Variants in CEP128 observed in about 807,000 individuals in gnomAD.
CEP128 encodes centrosomal protein 128.
In CEP128, 132 loss-of-function variants were observed where a neutral mutation model predicts 156.7. That is an observed-to-expected ratio of 0.84 (90% CI 0.73 to 0.97). The LOEUF (loss-of-function observed/expected upper bound fraction) is 0.97, where lower values mean the gene tolerates loss of function less well. Among genes scored for constraint, CEP128 ranks in the 50% least tolerant of loss-of-function variants. The pLI is 0.00. For missense variants in CEP128, 1,252 were observed against 1,281.9 expected (o/e 0.98, Z 0.36); for synonymous variants, 469 against 448.9 (o/e 1.04, Z -0.57).
chr14:80,821,557 AT>A (rs1479939818), intron 13 of CEP128, among the ~76,000 whole-genome samples: 2 of 151,640 alleles, frequency 1.3e-5, no homozygotes, highest in African/African-American at 4.8e-5. Context: ...AATACTTCAT[AT>A]TTTCTGAGGA....
Position 80,848,740 on chromosome 14 carries a change from G to C in CEP128, c.763-7972C>G, listed in dbSNP as rs1356290647. On this transcript the variant is annotated intron_variant, in intron 9 of 24. Transcript: ENST00000555265. ...TGAGAGGAATTCAGAAACCAGATCA[G>C]AGGGGATCTATTGTCTATAAATAAA... is the stretch of plus-strand genomic sequence containing the variant. Among the ~76,000 whole-genome samples, 4 of 151,844 alleles carry C rather than the reference G, an allele frequency of 2.6e-5. No individual in the cohort carries two copies. In the East Asian group the frequency reaches 7.7e-4, roughly 29 times the overall value.
chr14:80,831,964 G>A (rs1044021592), intron 12 of CEP128, among the ~76,000 whole-genome samples: 10 of 152,130 alleles, frequency 6.6e-5, no homozygotes, highest in Admixed American at 4.6e-4. Context: ...TGTAGCTCCC[G>A]TAATTCCCAC....
chr14:80,695,905 A>C (rs552381409), intron 19 of CEP128, among the ~76,000 whole-genome samples: 17 of 152,220 alleles, frequency 1.1e-4, no homozygotes, highest in Admixed American at 3.3e-4. Flanking sequence ...TTATGGAAAT[A>C]TTTTAAGCAG....
intron 7 of CEP128, among the ~76,000 whole-genome samples, chr14:80,897,386 T>C (rs1889392895): frequency 6.6e-6 from 1 of 152,222 alleles, no homozygotes; most frequent in South Asian, 2.1e-4. Context: ...CAAATGACAC[T>C]TCTCCATGCT....
intron 8 of CEP128, chr14:80,894,645 T>C: frequency 2.2e-6 from 1 of 460,450 alleles, no homozygotes; most frequent in Non-Finnish European, 4.3e-6. Context: ...ACAGGCATTG[T>C]ATCTTCACCT....
rs530939283 is a variant in CEP128 at position 80,681,232 on chromosome 14, G to C, written c.2806+61843C>G. ...AAAAGAAAGGAAAAAAATATTATAG[G>C]GCAAGGGAAAAACAGAAAAAAATCC... On this transcript the variant is annotated intron_variant, in intron 19 of 24. Transcript: ENST00000555265. 2.0e-5 allele frequency among the ~76,000 whole-genome samples: 3 copies of C among 152,000 alleles called. No homozygotes were observed. The East Asian group carries it at 5.8e-4, about 29-fold the overall frequency.
intron 18 of CEP128, among the ~76,000 whole-genome samples, chr14:80,747,074 GATA>G (rs1446874969): frequency 6.6e-6 from 1 of 152,172 alleles, no homozygotes; most frequent in African/African-American, 2.4e-5. Context: ...CAAAAAGACA[GATA>G]ATAACAATTG....
rs762235374 is a variant in CEP128, at chr14:80,895,803, A to C, written c.573-13T>G. On this transcript the variant is annotated splice_polypyrimidine_tract_variant and intron_variant, in intron 7 of 24. Transcript: ENST00000555265. ...TTCGGCATCTGACCTAGGAAGAAAAAAAAAAAAAAGATTTAAATTTGGATA... is the reference window on the plus strand; with the variant it reads ...TTCGGCATCTGACCTAGGAAGAAAACAAAAAAAAAGATTTAAATTTGGATA... The C allele has an allele frequency of 3.3e-5, 49 of 1,493,780 alleles. No homozygotes were observed. The highest frequency in any genetic ancestry group is 4.3e-5 in the Non-Finnish European group (48 of 1,124,682). 92.5% of individuals were successfully genotyped at this position (1,493,780 alleles called of 1,614,324 possible). A position where few individuals can be genotyped will look rare whatever the true frequency, so the allele number is the denominator to read the frequency against.
chr14:80,535,264 T>C (rs1182325095), intron 21 of CEP128, among the ~76,000 whole-genome samples: 1 of 152,216 alleles, frequency 6.6e-6, no homozygotes, highest in Non-Finnish European at 1.5e-5. Flanking sequence ...ATAACTTCCT[T>C]GCAGTCAGAT....
chr14:80,841,494 G>T (rs1220974320), intron 9 of CEP128, among the ~76,000 whole-genome samples: 29 of 152,110 alleles, frequency 1.9e-4, no homozygotes, highest in Non-Finnish European at 5.9e-5. Context: ...TCAACAAAAT[G>T]AAAAATAATT....
intron 19 of CEP128, among the ~76,000 whole-genome samples, chr14:80,705,034 G>C (rs539199295): frequency 1.3e-5 from 2 of 151,608 alleles, no homozygotes; most frequent in South Asian, 4.2e-4. Context: ...AAATATTTCA[G>C]TATATATTTC....
chr14:80,636,307 T>C (rs1189809061), intron 19 of CEP128, among the ~76,000 whole-genome samples: 2 of 152,224 alleles, frequency 1.3e-5, no homozygotes, highest in African/African-American at 4.8e-5. Context: ...TAAAATTCAT[T>C]CCCTGCGCTC....
intron 8 of CEP128, among the ~76,000 whole-genome samples, chr14:80,889,934 AAAAC>A (rs1327525604): frequency 1.3e-5 from 2 of 152,178 alleles, no homozygotes; most frequent in South Asian, 2.1e-4. Context: ...TTACAAGAAA[AAAAC>A]AAACAACCCC....
chr14:80,483,230 G>T (rs540488877), intron 14 of CEP128, among the ~76,000 whole-genome samples: 1 of 152,278 alleles, frequency 6.6e-6, no homozygotes, highest in African/African-American at 2.4e-5. Flanking sequence ...ACCATCCAGT[G>T]GATAGTCCTG....
At chr14:80,698,250 T>C (rs572886852) in intron 19 of CEP128, among the ~76,000 whole-genome samples, 2 of 152,202 alleles carry the variant, frequency 1.3e-5, no homozygotes, top group South Asian at 4.1e-4. Flanking sequence ...TTGAACACAG[T>C]GTACTACTCC....
chr14:80,924,618 T>A (rs905533377), intron 2 of CEP128, among the ~76,000 whole-genome samples: 4 of 152,060 alleles, frequency 2.6e-5, no homozygotes, highest in Admixed American at 2.6e-4. Context: ...GGAAATAGGA[T>A]CCACTTAAAA....
At chr14:80,622,369 A>T (rs1178393284) in intron 19 of CEP128, among the ~76,000 whole-genome samples, 2 of 151,664 alleles carry the variant, frequency 1.3e-5, no homozygotes, top group Non-Finnish European at 2.9e-5. Context: ...AAGAAAACCT[A>T]GGCATTACCA....
intron 19 of CEP128, among the ~76,000 whole-genome samples, chr14:80,601,293 G>A (rs1455470660): frequency 6.6e-6 from 1 of 152,136 alleles, no homozygotes; most frequent in East Asian, 1.9e-4. Context: ...GAAGTGTGGT[G>A]TTCTGAGAAA....
chr14:80,681,204 G>A (rs1896311134), intron 19 of CEP128, among the ~76,000 whole-genome samples: 1 of 151,838 alleles, frequency 6.6e-6, no homozygotes, highest in Non-Finnish European at 1.5e-5. Flanking sequence ...AAGGGAAAAG[G>A]TAAAAAGAAA....
Sources: gnomAD v4.1 joint callset for allele counts (sites outside exome capture counted in the v4.1 genomes callset) on GRCh38, gnomAD v4.1.1 for gene constraint, MANE v1.5 for transcripts, NCBI Gene and HGNC (gene_info 2026-07-23, HGNC 2026-07-21) for gene names.